Variants in AKAP9 observed in about 807,000 individuals in gnomAD.
The protein encoded by AKAP9 is A-kinase anchor protein 9.
A neutral mutation model predicts 488.5 loss-of-function variants in AKAP9; 311 were observed. The observed-to-expected ratio is 0.64, with a 90% CI of 0.58 to 0.70. The LOEUF is 0.70. Ranked by LOEUF, AKAP9 falls within the 30% of genes least tolerant of loss-of-function variation. The pLI is 0.00. For missense variants in AKAP9, 4,215 were observed against 4,374.5 expected (o/e 0.96, Z 1.03); for synonymous variants, 1,462 against 1,483.5 (o/e 0.99, Z 0.33).
intron 1 of AKAP9, among the ~76,000 whole-genome samples, chr7:91,949,758 CAGG>C (rs1344257085): frequency 1.3e-5 from 2 of 152,126 alleles, no homozygotes; most frequent in African/African-American, 2.4e-5. Context: ...AACATTATTT[CAGG>C]AGTAGTTTTG....
At chr7:92,059,401 A>AT (rs992817757) in intron 22 of AKAP9, among the ~76,000 whole-genome samples, 76 of 149,320 alleles carry the variant, frequency 5.1e-4, no homozygotes, top group African/African-American at 8.6e-4. Flanking sequence ...AATAAATGAC[A>AT]TTTTTTTTTG....
intron 26 of AKAP9, among the ~76,000 whole-genome samples, chr7:92,068,876 A>C (rs1196530896): frequency 2.0e-5 from 3 of 152,196 alleles, no homozygotes; most frequent in African/African-American, 4.8e-5. Flanking sequence ...TATTTCACTG[A>C]AAAGAAAAGG....
chr7:91,944,042 C>T (rs999842271), intron 1 of AKAP9, among the ~76,000 whole-genome samples: 2 of 151,910 alleles, frequency 1.3e-5, no homozygotes, highest in Non-Finnish European at 2.9e-5. Flanking sequence ...ACTTTTTAAA[C>T]AGTTTGTCAT....
intron 1 of AKAP9, among the ~76,000 whole-genome samples, chr7:91,951,102 T>C (rs185802680): frequency 6.6e-6 from 1 of 150,862 alleles, no homozygotes; most frequent in East Asian, 1.9e-4. Flanking sequence ...AATTTGAGGT[T>C]TTTTTTTTAG....
At chr7:92,083,767 C>G in intron 33 of AKAP9, 112 bp downstream of exon 33, 1 of 1,101,232 alleles carries the variant, frequency 9.1e-7, no homozygotes, top group South Asian at 1.5e-5. Flanking sequence ...CATTAAGGCA[C>G]TTGATCTTTC....
rs1344028429 is a variant in AKAP9 at position 92,080,038 on chromosome 7, T to G, written c.7905T>G (p.Asn2635Lys). The stretch of plus-strand genomic sequence containing the variant: ...AACAAGTAGAAATTGCAGAAAAAAA[T>G]GTTTTAGAAAAAGAAAAGAAGCTGC... ...EKEQVEIAEK[N>K]VLEKEKKLLE... Residue 2635 changes from asparagine (N) to lysine (K), a missense_variant, in exon 31 of 50, where the codon AAT becomes AAG. By Grantham distance (94) the Asn-to-Lys change is moderately conservative (BLOSUM62 0). Coordinates refer to ENST00000356239, the MANE Select transcript of AKAP9 (RefSeq NM_005751.5). 1 of 1,562,732 alleles carries G rather than the reference T, an allele frequency of 6.4e-7. No homozygotes were observed. The highest frequency in any genetic ancestry group is 1.4e-5 in the African/African-American group (1 of 72,090).
chr7:92,027,620 C>T (rs13307258), intron 14 of AKAP9, among the ~76,000 whole-genome samples: 4 of 112,344 alleles, frequency 3.6e-5, no homozygotes, highest in Non-Finnish European at 5.5e-5. Flanking sequence ...TCTGCCTGGC[C>T]GCCCCGTCTG....
chr7:92,062,844 A>G (rs1186100853), intron 24 of AKAP9, among the ~76,000 whole-genome samples: 1 of 152,200 alleles, frequency 6.6e-6, no homozygotes, highest in Non-Finnish European at 1.5e-5. Flanking sequence ...TGGATTAAAT[A>G]TCTAAAAGCA....
rs531278019 is a variant in AKAP9 at position 91,947,011 on chromosome 7, A to G, written c.48+5864A>G. Among the ~76,000 whole-genome samples the G allele has an allele frequency of 1.7e-3, 266 of 152,338 alleles. 1 individual carries two copies. Among genetic ancestry groups the G allele is most frequent in the Non-Finnish European group, 2.8e-3 (191 of 68,028 alleles). On this transcript the variant is annotated intron_variant, in intron 1 of 49. Coordinates refer to ENST00000356239, the MANE Select transcript of AKAP9 (RefSeq NM_005751.5). Reference sequence around the variant, plus strand: ...GGTAAATTGCTAAACAATAAGGGACATTATTTATATTCATTTCTTAGTAAG... The same window carrying G: ...GGTAAATTGCTAAACAATAAGGGACGTTATTTATATTCATTTCTTAGTAAG...
In AKAP9 at chr7:92,070,945, C is replaced by G; in HGVS notation, c.6548C>G (p.Pro2183Arg). Reference protein sequence around the residue: ...RKHFGAVEAKPELSLEVQLQA... With the variant: ...RKHFGAVEAKRELSLEVQLQA... ...CACTTTGGAGCTGTAGAAGCTAAAC[C>G]AGAATTGTCCCTAGAAGTACAATTG... Residue 2183 changes from proline (P) to arginine (R), a missense_variant, in exon 28 of 50, where the codon CCA (proline) becomes CGA (arginine). Coordinates refer to ENST00000356239, the MANE Select transcript of AKAP9 (RefSeq NM_005751.5). 6.2e-7 allele frequency: 1 copy of G among 1,613,670 alleles called. No individual in the cohort carries two copies. Among genetic ancestry groups the G allele is most frequent in the Non-Finnish European group, 8.5e-7 (1 of 1,179,916 alleles).
At position 92,002,423 on chromosome 7, in the gene AKAP9, T is replaced by A; in HGVS notation, c.2506T>A (p.Cys836Ser). ...IEENEDLKQQ[C>S]IQLNEEIEKQ... is the part of the protein sequence containing the mutation. Reference sequence around the variant, plus strand: ...GGAAAATGAGGACCTCAAACAACAATGTATTCAGCTAAATGAAGAGATTGA... The same window carrying A: ...GGAAAATGAGGACCTCAAACAACAAAGTATTCAGCTAAATGAAGAGATTGA... Residue 836 changes from cysteine to serine, a missense_variant, in exon 8 of 50, where the codon TGT becomes AGT. Around this residue, in one of 5 missense-constraint regions of AKAP9, gnomAD observed 2,361 missense variants for 2,430.0 expected, o/e 0.97. Coordinates refer to ENST00000356239, the MANE Select transcript of AKAP9 (RefSeq NM_005751.5). 1 of 1,608,986 alleles carries A rather than the reference T, an allele frequency of 6.2e-7. No individual in the cohort carries two copies.
chr7:92,110,375 T>G lies in AKAP9; in HGVS notation c.*216T>G. ...CATGCACAATAATTATTGAATTACC[T>G]GTATATTTGTGGAATGCTAATTTAA... On this transcript the variant is annotated 3_prime_UTR_variant, in exon 50 of 50. Transcript: ENST00000356239. The G allele has an allele frequency of 5.5e-6, 3 of 547,734 alleles. No individual in the cohort carries two copies. Among genetic ancestry groups the G allele is most frequent in the Non-Finnish European group, 6.5e-6 (2 of 307,556 alleles). 33.9% of individuals were successfully genotyped at this position (547,734 alleles called of 1,614,324 possible).
rs1366526877 is a variant in AKAP9, at chr7:92,079,437, G to A, written c.7304G>A (p.Arg2435Lys). 5 of 1,614,062 alleles carry A rather than the reference G, an allele frequency of 3.1e-6. No homozygotes were observed. The South Asian group carries it at 5.5e-5, about 18-fold the overall frequency. ...QLTQELFSLK[R>K]ERESVEKIQS... ...ACACAGGAATTATTCAGCTTAAAGA[G>A]AGAACGTGAAAGTGTGGAAAAGATT... Residue 2435 changes from arginine (R) to lysine (K), a missense_variant, in exon 31 of 50, where the codon AGA becomes AAA. Transcript: ENST00000356239.
rs1194616736 is a variant in AKAP9 at position 92,100,900 on chromosome 7, C to T, written c.10941C>T (p.Ile3647=). The change falls in exon 45 of 50, where the codon ATC becomes ATT. Residue 3647 remains isoleucine, a synonymous_variant. Coordinates refer to ENST00000356239, the MANE Select transcript of AKAP9 (RefSeq NM_005751.5). ...ATGGTGGTGCCAACATTGAAGCCATCATTGCCTCTGAAAAAGAAGTATGGA... is the reference window on the plus strand; with the variant it reads ...ATGGTGGTGCCAACATTGAAGCCATTATTGCCTCTGAAAAAGAAGTATGGA... ...SLNGGANIEA[I]IASEKEVWNR... 6.2e-7 allele frequency: 1 copy of T among 1,614,024 alleles called. No homozygotes were observed. The highest frequency in any genetic ancestry group is 1.3e-5 in the African/African-American group (1 of 74,916).
Position 92,089,192 on chromosome 7 carries a change from C to G in AKAP9, c.9214-193C>G, listed in dbSNP as rs187219067. ...TGTTCTTGTTTTAAGGAAATACACT[C>G]TGGTATTTAGAGGTAAATGAGCATT... On this transcript the variant is annotated intron_variant, in intron 37 of 49. Transcript: ENST00000356239. 6.7e-4 allele frequency among the ~76,000 whole-genome samples: 102 copies of G among 152,178 alleles called. 1 individual carries two copies. The highest frequency in any genetic ancestry group is 2.9e-3 in the East Asian group (15 of 5,178).
intron 24 of AKAP9, 63 bp from the exon 25 acceptor site, chr7:92,065,168 G>T: frequency 9.0e-7 from 1 of 1,114,738 alleles, no homozygotes; most frequent in Non-Finnish European, 1.3e-6. Flanking sequence ...AGTTATCAGG[G>T]ATTTCATTAT....
chr7:92,035,103 A>T (rs924237307), intron 16 of AKAP9, among the ~76,000 whole-genome samples: 6 of 152,250 alleles, frequency 3.9e-5, no homozygotes, highest in Admixed American at 1.3e-4. Context: ...AGCTTTAAAC[A>T]TTATAGCTTG....
chr7:92,034,346 T>C (rs1188342109), intron 16 of AKAP9, among the ~76,000 whole-genome samples: 1 of 151,944 alleles, frequency 6.6e-6, no homozygotes, highest in African/African-American at 2.4e-5. Context: ...TGGTGAAATA[T>C]TGTGAAATCC....
intron 12 of AKAP9, among the ~76,000 whole-genome samples, chr7:92,021,661 ACTC>A (rs1351783606): frequency 6.6e-6 from 1 of 151,620 alleles, no homozygotes; most frequent in Non-Finnish European, 1.5e-5. Context: ...CTGATCCTGA[ACTC>A]CTGACCTTAG....
Sources: allele counts gnomAD v4.1 joint callset (sites outside exome capture counted in the v4.1 genomes callset), GRCh38; gene constraint gnomAD v4.1.1; regional missense constraint gnomAD v4.1.1; transcripts MANE v1.5; gene names NCBI Gene and HGNC (gene_info 2026-07-23, HGNC 2026-07-21).